The following RIT2 variants were observed in gnomAD, a reference collection of about 807,000 sequenced individuals.
The protein encoded by RIT2 is GTP-binding protein Rit2.
RIT2 carries 24 observed loss-of-function variants against 23.7 expected under a neutral mutation model. That is an observed-to-expected ratio of 1.01 (90% confidence interval 0.73 to 1.43). RIT2 has a LOEUF of 1.43. RIT2 is among the 40% of genes most tolerant of loss of function. RIT2 has a pLI of 0.00. For missense variants in RIT2, 236 were observed against 266.9 expected (o/e 0.88, Z 0.81); for synonymous variants, 107 against 91.1 (o/e 1.17, Z -0.99).
rs1908662728 is a variant in RIT2, at chr18:42,907,833, TAGTC to T, written c.426+15735_426+15738del. Among the ~76,000 whole-genome samples, 4 of 152,120 alleles carry T rather than the reference TAGTC, an allele frequency of 2.6e-5. No individual in the cohort carries two copies. In the South Asian group the frequency reaches 8.3e-4, roughly 32 times the overall value. ...CTGTCTCTATAAAAATTTTAAGAAT[TAGTC>T]AGGTGTGATGGCATGTGCCTGTAGT... On this transcript the variant is annotated intron_variant, in intron 4 of 4. Transcript: ENST00000326695.
intron 4 of RIT2, among the ~76,000 whole-genome samples, chr18:42,791,239 A>G (rs1914036426): frequency 6.6e-6 from 1 of 152,030 alleles, no homozygotes; most frequent in African/African-American, 2.4e-5. Flanking sequence ...ATATGTTTTC[A>G]GCTGTCTACA....
intron 4 of RIT2, among the ~76,000 whole-genome samples, chr18:42,893,098 C>A (rs568771331): frequency 6.6e-6 from 1 of 151,806 alleles, no homozygotes; most frequent in Non-Finnish European, 1.5e-5. Flanking sequence ...CATGGTGGTG[C>A]GTGCCTGTAA....
At chr18:42,891,683 T>C (rs1163295236) in intron 4 of RIT2, among the ~76,000 whole-genome samples, 3 of 152,108 alleles carry the variant, frequency 2.0e-5, no homozygotes, top group Non-Finnish European at 4.4e-5. Flanking sequence ...TATGACATTC[T>C]GGAAAAGGTG....
intron 4 of RIT2, among the ~76,000 whole-genome samples, chr18:42,875,383 G>A (rs73471644): frequency 0.026 from 3,817 of 149,132 alleles, 157 homozygotes; most frequent in African/African-American, 0.087. Context: ...GAATTTTTGT[G>A]AGGCTGGAAT....
intron 2 of RIT2, among the ~76,000 whole-genome samples, chr18:42,985,634 C>A (rs1025580117): frequency 1.3e-5 from 2 of 152,050 alleles, no homozygotes; most frequent in African/African-American, 4.8e-5. Context: ...TGGAAAAAAT[C>A]TTTCAATAAA....
rs368008967 is a variant in RIT2 at position 43,007,591 on chromosome 18, CT to C, written c.160+26219del. On this transcript the variant is annotated intron_variant, in intron 2 of 4. Coordinates refer to ENST00000326695, the MANE Select transcript of RIT2 (RefSeq NM_002930.4). ...CAGATAAGAAGAAAGCTATCAAAGT[CT>C]ACTAGAGTTGTGTTCATAAGACTCA... 9.6e-4 allele frequency among the ~76,000 whole-genome samples: 146 copies of C among 151,684 alleles called. 1 individual carries two copies. Among genetic ancestry groups the C allele is most frequent in the Middle Eastern group, 3.4e-3 (1 of 294 alleles).
chr18:42,958,818 T>C (rs1023219477), intron 3 of RIT2, among the ~76,000 whole-genome samples: 12 of 152,162 alleles, frequency 7.9e-5, no homozygotes, highest in Non-Finnish European at 1.8e-4. Context: ...ATGATCTTCC[T>C]ACATGTATTG....
intron 3 of RIT2, among the ~76,000 whole-genome samples, chr18:42,927,027 A>G (rs780614053): frequency 6.6e-6 from 1 of 151,950 alleles, no homozygotes; most frequent in Non-Finnish European, 1.5e-5. Flanking sequence ...GAAAAGCTCA[A>G]ATGAGAGAAG....
At position 42,803,473 on chromosome 18, in the gene RIT2, T is replaced by A. The variant is rs181547432; in HGVS notation, c.427-59753A>T. 1.2e-3 allele frequency among the ~76,000 whole-genome samples: 176 copies of A among 152,346 alleles called. 3 individuals are homozygous for A. The highest frequency in any genetic ancestry group is 0.011 in the Admixed American group (165 of 15,308). ...TGATCTGATATTGTTTGTTGCTGGA[T>A]ACTATATGGCCATGTGAGTATGTTT... On this transcript the variant is annotated intron_variant, in intron 4 of 4. Coordinates refer to ENST00000326695, the MANE Select transcript of RIT2 (RefSeq NM_002930.4).
intron 3 of RIT2, among the ~76,000 whole-genome samples, chr18:42,939,248 T>A (rs1439031211): frequency 6.6e-6 from 1 of 152,116 alleles, no homozygotes; most frequent in Non-Finnish European, 1.5e-5. Context: ...GAAATCTGAC[T>A]CTGCCACTTC....
At chr18:43,036,879 TCCTAAGTA>T (rs1211476107) in intron 1 of RIT2, among the ~76,000 whole-genome samples, 1 of 152,212 alleles carries the variant, frequency 6.6e-6, no homozygotes, top group Non-Finnish European at 1.5e-5. Flanking sequence ...GAAAAATCTC[TCCTAAGTA>T]CCTATCAAGC....
intron 4 of RIT2, among the ~76,000 whole-genome samples, chr18:42,821,738 T>C (rs577844604): frequency 6.6e-6 from 1 of 152,234 alleles, no homozygotes; most frequent in Admixed American, 6.5e-5. Context: ...TCAGGGAAGG[T>C]TCATGCATTC....
chr18:42,774,583 TA>T lies in RIT2; in HGVS notation c.427-30864del, dbSNP rs146991147. Among the ~76,000 whole-genome samples the T allele has an allele frequency of 2.4e-3, 361 of 150,756 alleles. 2 individuals are homozygous for T. The highest frequency in any genetic ancestry group is 7.6e-3 in the African/African-American group (315 of 41,380). On this transcript the variant is annotated intron_variant, in intron 4 of 4. Transcript: ENST00000326695. The stretch of plus-strand genomic sequence containing the variant: ...ATCAGGTCAATCAGGTAGACAGGGA[TA>T]TTTTTTTTGAACATTATCAATCGTT...
At chr18:42,931,339 T>C (rs2144145057) in intron 3 of RIT2, among the ~76,000 whole-genome samples, 1 of 152,260 alleles carries the variant, frequency 6.6e-6, no homozygotes, top group African/African-American at 2.4e-5. Flanking sequence ...AGTTACTTAT[T>C]CATTCCTGTA....
At chr18:42,987,770 C>T (rs933245014) in intron 2 of RIT2, among the ~76,000 whole-genome samples, 1 of 152,072 alleles carries the variant, frequency 6.6e-6, no homozygotes, top group South Asian at 2.1e-4. Flanking sequence ...ATGAGGTGAA[C>T]ATCTGCTTCT....
intron 4 of RIT2, among the ~76,000 whole-genome samples, chr18:42,913,562 T>C (rs1908828474): frequency 6.6e-6 from 1 of 151,328 alleles, no homozygotes; most frequent in Non-Finnish European, 1.5e-5. Flanking sequence ...AAATAGTCAA[T>C]GGACATAATG....
intron 3 of RIT2, 114 bp from the exon 4 acceptor site, chr18:42,923,877 T>C (rs1350235025): frequency 1.2e-6 from 1 of 823,000 alleles, no homozygotes. Context: ...AGAATATTGA[T>C]ATTTAATCAT....
intron 3 of RIT2, among the ~76,000 whole-genome samples, chr18:42,940,171 G>T (rs1471921936): frequency 1.4e-5 from 2 of 143,824 alleles, no homozygotes; most frequent in Non-Finnish European, 3.0e-5. Context: ...CAGTTTAAAT[G>T]CTGCAGGTCA....
intron 1 of RIT2, among the ~76,000 whole-genome samples, chr18:43,109,619 T>C (rs1485687279): frequency 6.6e-6 from 1 of 152,182 alleles, no homozygotes; most frequent in Non-Finnish European, 1.5e-5. Context: ...ACATCTCTTA[T>C]AGCCACCCCT....
Sources: allele counts gnomAD v4.1 joint callset (sites outside exome capture counted in the v4.1 genomes callset), GRCh38; gene constraint gnomAD v4.1.1; transcripts MANE v1.5; gene names NCBI Gene and HGNC (gene_info 2026-07-23, HGNC 2026-07-21).